The following PCDHGA6 variants were observed in gnomAD, a reference collection of about 807,000 sequenced individuals.
The protein encoded by PCDHGA6 is protocadherin gamma subfamily A, 6.
A neutral mutation model predicts 60.6 loss-of-function variants in PCDHGA6; 41 were observed. The ratio of observed to expected loss-of-function variants is 0.68; its 90% CI spans 0.53 to 0.88. PCDHGA6 has a LOEUF of 0.88. Ranked by LOEUF, PCDHGA6 falls within the 40% of genes least tolerant of loss-of-function variation. The pLI is 0.00. For synonymous variants in PCDHGA6, 594 were observed against 524.4 expected (o/e 1.13, Z -1.81); for missense variants, 1,312 against 1,203.0 (o/e 1.09, Z -1.34).
At chr5:141,472,000 C>T (rs935165645) in intron 1 of PCDHGA6, among the ~76,000 whole-genome samples, 3 of 151,852 alleles carry the variant, frequency 2.0e-5, no homozygotes, top group African/African-American at 4.8e-5. Flanking sequence ...ATCCCTGCAT[C>T]GTATAGGGGC....
At chr5:141,418,629 C>T in intron 1 of PCDHGA6, 1 of 1,614,014 alleles carries the variant, frequency 6.2e-7, no homozygotes, top group Non-Finnish European at 8.5e-7. Context: ...GACGTGCCTC[C>T]AGGCACCTCC....
At chr5:141,438,739 G>A (rs1264194876) in intron 1 of PCDHGA6, among the ~76,000 whole-genome samples, 1 of 149,040 alleles carries the variant, frequency 6.7e-6, no homozygotes, top group African/African-American at 2.5e-5. Context: ...TCAGCTCACT[G>A]CAACCTCTGC....
At chr5:141,400,420 T>C (rs1323719998) in intron 1 of PCDHGA6, 1 of 1,613,936 alleles carries the variant, frequency 6.2e-7, no homozygotes, top group Non-Finnish European at 8.5e-7. Context: ...TTTCCTAAAA[T>C]GTAGTGAGCA....
At chr5:141,391,471 C>G (rs2092375745) in intron 1 of PCDHGA6, 1 of 152,152 alleles carries the variant, frequency 6.6e-6, no homozygotes, top group Non-Finnish European at 1.5e-5. Flanking sequence ...GCCACCAGAC[C>G]TGGCTAATTT....
chr5:141,420,179 T>C (rs1420076172), intron 1 of PCDHGA6: 16 of 1,614,054 alleles, frequency 9.9e-6, no homozygotes, highest in Non-Finnish European at 1.2e-5. Flanking sequence ...TGTTGATCAT[T>C]GTCCAGCCAC....
intron 1 of PCDHGA6, chr5:141,471,533 G>C (rs921328911): frequency 1.3e-5 from 2 of 152,234 alleles, no homozygotes. Context: ...AGGAAGCTAT[G>C]ATAGCATTTA....
At chr5:141,399,822 C>G (rs755182775) in intron 1 of PCDHGA6, 6 of 1,613,084 alleles carry the variant, frequency 3.7e-6, no homozygotes, top group East Asian at 2.2e-5. Context: ...CGCTGGGTCC[C>G]GACGGCTCTG....
At chr5:141,502,377 C>A (rs748121694) in intron 2 of PCDHGA6, among the ~76,000 whole-genome samples, 14 of 151,904 alleles carry the variant, frequency 9.2e-5, no homozygotes, top group Non-Finnish European at 1.3e-4. Flanking sequence ...AGAGTCCAGG[C>A]CAGTTGTACT....
intron 1 of PCDHGA6, chr5:141,423,454 G>C (rs1323921797): frequency 1.9e-6 from 3 of 1,614,030 alleles, no homozygotes; most frequent in Non-Finnish European, 2.5e-6. Context: ...ACATTTTGTA[G>C]GCGTGGACGG....
chr5:141,403,627 A>G lies in PCDHGA6; in HGVS notation c.2424+27120A>G, dbSNP rs1187522360. ...GCGGCGAGCCGCGTCGCTCCAGCAC[A>G]GTGCGCATCCATGTGACAGTGTTGG... On this transcript the variant is annotated intron_variant, in intron 1 of 3. Coordinates refer to ENST00000517434, the MANE Select transcript of PCDHGA6 (RefSeq NM_018919.3). 4 of 1,613,922 alleles carry G rather than the reference A, an allele frequency of 2.5e-6. No individual in the cohort carries two copies. The East Asian group carries it at 8.9e-5, about 36-fold the overall frequency.
chr5:141,427,960 G>T (rs759698390), intron 1 of PCDHGA6: 2 of 1,589,168 alleles, frequency 1.3e-6, no homozygotes, highest in Non-Finnish European at 1.7e-6. Context: ...AATGTGCCGC[G>T]GGTGCTGTAC....
At chr5:141,403,890 C>A in intron 1 of PCDHGA6, 1 of 1,613,714 alleles carries the variant, frequency 6.2e-7, no homozygotes, top group Non-Finnish European at 8.5e-7. Flanking sequence ...GAAGAATGTT[C>A]ATTTTATGAA....
rs766746841 is a variant in PCDHGA6 at position 141,374,327 on chromosome 5, G to C, written c.244G>C (p.Gly82Arg). ...MQLFSLNPRN[G>R]SLVTAGRIDR... ...GCTTTTCTCTCTGAATCCGCGAAAC[G>C]GCAGCTTGGTCACCGCGGGTAGGAT... Residue 82 changes from glycine (G) to arginine (R), a missense_variant, in exon 1 of 4, where the codon GGC (glycine) becomes CGC (arginine). By Grantham distance (125) the Gly-to-Arg change is moderately radical. Coordinates refer to ENST00000517434, the MANE Select transcript of PCDHGA6 (RefSeq NM_018919.3). 1.5e-5 allele frequency: 24 copies of C among 1,613,984 alleles called. No individual in the cohort carries two copies. The highest frequency in any genetic ancestry group is 2.0e-5 in the Non-Finnish European group (24 of 1,179,862).
At chr5:141,382,916 G>A (rs1778572994) in intron 1 of PCDHGA6, 12 of 1,554,424 alleles carry the variant, frequency 7.7e-6, no homozygotes, top group Non-Finnish European at 9.6e-6. Flanking sequence ...GCTCAGCCGA[G>A]GGGCGGGGAC....
chr5:141,374,615 T>G lies in PCDHGA6; in HGVS notation c.532T>G (p.Phe178Val), dbSNP rs777034606. ...ATTTAAGCTCAGTGGTAATAGTCACTTCTCAGTGGACGTGCAAAGCGAAGC... is the reference window on the plus strand; with the variant it reads ...ATTTAAGCTCAGTGGTAATAGTCACGTCTCAGTGGACGTGCAAAGCGAAGC... ...QGFKLSGNSH[F>V]SVDVQSEAHG... The change falls in exon 1 of 4, where the codon TTC becomes GTC. Residue 178 changes from phenylalanine (F) to valine (V), a missense_variant. Physicochemically the swap from Phe to Val is conservative, Grantham distance 50. Coordinates refer to ENST00000517434, the MANE Select transcript of PCDHGA6 (RefSeq NM_018919.3). 108 of 1,613,570 alleles carry G rather than the reference T, an allele frequency of 6.7e-5. 1 individual carries two copies. In the East Asian group the frequency reaches 2.4e-3, roughly 35 times the overall value.
In PCDHGA6 at chr5:141,374,145, G is replaced by A. The variant is rs749263007; in HGVS notation, c.62G>A (p.Gly21Glu). 36 of 1,610,792 alleles carry A rather than the reference G, an allele frequency of 2.2e-5. No homozygotes were observed. In the Admixed American group the frequency reaches 2.8e-4, roughly 13 times the overall value. ...SEQVLLLTLL[G>E]TLWGAAAAQI... ...CAGGTCCTGCTCCTCACGCTCCTGG[G>A]GACGCTGTGGGGGGCCGCGGCAGCG... The change falls in exon 1 of 4, where the codon GGG (glycine) becomes GAG (glutamate). Residue 21 changes from glycine (G) to glutamate (E), a missense_variant. By Grantham distance (98) the Gly-to-Glu change is moderately conservative. Transcript: ENST00000517434.
intron 1 of PCDHGA6, chr5:141,433,104 A>G: frequency 6.2e-7 from 1 of 1,614,214 alleles, no homozygotes; most frequent in Non-Finnish European, 8.5e-7. Flanking sequence ...CTCGTCAGCC[A>G]GGAGAGCTTT....
intron 1 of PCDHGA6, among the ~76,000 whole-genome samples, chr5:141,452,068 A>G (rs554365813): frequency 1.1e-3 from 160 of 152,308 alleles, no homozygotes; most frequent in Middle Eastern, 6.8e-3. Flanking sequence ...TTCTACTTTT[A>G]TTAGTTGGCA....
intron 1 of PCDHGA6, among the ~76,000 whole-genome samples, chr5:141,401,643 A>G (rs973841801): frequency 6.6e-6 from 1 of 152,262 alleles, no homozygotes; most frequent in African/African-American, 2.4e-5. Context: ...AGCTTTAAAT[A>G]TAAATGACTG....
Sources: gnomAD v4.1 joint callset for allele counts (sites outside exome capture counted in the v4.1 genomes callset) on GRCh38, gnomAD v4.1.1 for gene constraint, MANE v1.5 for transcripts, NCBI Gene and HGNC (gene_info 2026-07-23, HGNC 2026-07-21) for gene names.